The following STAT5A variants were observed in gnomAD, a reference collection of about 807,000 sequenced individuals.
STAT5A encodes signal transducer and activator of transcription 5A, also known as epididymis secretory sperm binding protein.
In STAT5A, 26 loss-of-function variants were observed where a neutral mutation model predicts 100.2. That is an observed-to-expected ratio of 0.26 (90% CI 0.19 to 0.36). STAT5A has a LOEUF of 0.36. Ranked by LOEUF, STAT5A falls within the 10% of genes least tolerant of loss-of-function variation. The pLI is 1.00. For missense variants in STAT5A, 634 were observed against 1,027.5 expected, an observed-to-expected ratio of 0.62 and a Z score of 5.24; for synonymous variants, 330 against 424.3, an observed-to-expected ratio of 0.78 and a Z score of 2.73.
chr17:42,289,382 C>G lies in STAT5A; in HGVS notation c.-10-20C>G, dbSNP rs765996129. The G allele has an allele frequency of 6.3e-7, 1 of 1,591,310 alleles. No homozygotes were observed. The highest frequency in any genetic ancestry group is 8.5e-7 in the Non-Finnish European group (1 of 1,169,810). On this transcript the variant is annotated intron_variant, in intron 1 of 18. Coordinates refer to ENST00000590949, the MANE Select transcript of STAT5A (RefSeq NM_001288718.2). Reference sequence around the variant, plus strand: ...TTGGCCTCTGCAGAGGAGAGCGCTTCAGCGCTCGGCTCGCCCTAGGTGAAC... The same window carrying G: ...TTGGCCTCTGCAGAGGAGAGCGCTTGAGCGCTCGGCTCGCCCTAGGTGAAC...
Position 42,310,677 on chromosome 17 carries a change from A to C in STAT5A, c.*8A>C. The C allele has an allele frequency of 6.2e-7, 1 of 1,613,926 alleles. No homozygotes were observed. Among genetic ancestry groups the C allele is most frequent in the Non-Finnish European group, 8.5e-7 (1 of 1,179,908 alleles). On this transcript the variant is annotated 3_prime_UTR_variant, in exon 19 of 19. Coordinates refer to ENST00000590949, the MANE Select transcript of STAT5A (RefSeq NM_001288718.2). ...AGAGGCTCCCTCTCATGAATGTTTGAATCCCACGCTTCTCTTTGGAAACAA... is the reference window on the plus strand; with the variant it reads ...AGAGGCTCCCTCTCATGAATGTTTGCATCCCACGCTTCTCTTTGGAAACAA...
chr17:42,300,089 T>C, intron 6 of STAT5A, 41 bp from the exon 7 acceptor site: 1 of 1,248,610 alleles, frequency 8.0e-7, no homozygotes, highest in Non-Finnish European at 1.1e-6. Context: ...TGCGGTGTTC[T>C]CTGGGAGCCC....
chr17:42,295,522 T>G, intron 4 of STAT5A, 97 bp from the exon 5 acceptor site: 3 of 1,321,386 alleles, frequency 2.3e-6, no homozygotes, highest in Non-Finnish European at 3.1e-6. Flanking sequence ...TAGTTTGGGG[T>G]TTGGGGTTTG....
Position 42,311,027 on chromosome 17 carries a change from G to A in STAT5A, c.*358G>A, listed in dbSNP as rs1038089562. The A allele has an allele frequency of 1.4e-5, 4 of 277,808 alleles. No homozygotes were observed. Among genetic ancestry groups the A allele is most frequent in the African/African-American group, 8.5e-5 (4 of 46,994 alleles). 17.2% of individuals were successfully genotyped at this position (277,808 alleles called of 1,614,324 possible). A position where few individuals can be genotyped will look rare whatever the true frequency, so the allele number is the denominator to read the frequency against. On this transcript the variant is annotated 3_prime_UTR_variant, in exon 19 of 19. Transcript: ENST00000590949. ...TGAATGAGATGATTCAGAAGGGGAG[G>A]GGAGACAGGTAACGTCTGTAAGCTG...
At position 42,304,092 on chromosome 17, in the gene STAT5A, A is replaced by T. The variant is rs572304032; in HGVS notation, c.1170-250A>T. ...TGGAAGTCCCCAAAGCCCTCACATC[A>T]ATCTTGGTATCGAGGAATTTCTAAT... On this transcript the variant is annotated intron_variant, in intron 9 of 18. Coordinates refer to ENST00000590949, the MANE Select transcript of STAT5A (RefSeq NM_001288718.2). This position sits in a 1 kb window ranked among gnomAD's most constrained non-coding sequence, Gnocchi z 4.8. 3.8e-6 allele frequency: 2 copies of T among 522,662 alleles called. No homozygotes were observed. The highest frequency in any genetic ancestry group is 5.0e-4 in the Middle Eastern group (1 of 1,988). 32.4% of individuals were successfully genotyped at this position (522,662 alleles called of 1,614,324 possible). A position where few individuals can be genotyped will look rare whatever the true frequency, so the allele number is the denominator to read the frequency against.
intron 11 of STAT5A, among the ~76,000 whole-genome samples, chr17:42,305,171 G>C: frequency 6.6e-6 from 1 of 152,324 alleles, no homozygotes; most frequent in East Asian, 1.9e-4. Flanking sequence ...CTGCCCTCCA[G>C]TCTGGGCGAC....
At position 42,308,687 on chromosome 17, in the gene STAT5A, A is replaced by G; in HGVS notation, c.2062+354A>G. ...AGCTGCTCTCCACACCCTGCTCACA[A>G]ACCTTCCCCCGAGTGGAGTGCAGGC... On this transcript the variant is annotated intron_variant, in intron 16 of 18. Transcript: ENST00000590949. This position sits in a 1 kb window ranked among gnomAD's most constrained non-coding sequence, Gnocchi z 4.6. 2.1e-6 allele frequency: 1 copy of G among 484,296 alleles called. No individual in the cohort carries two copies. Among genetic ancestry groups the G allele is most frequent in the South Asian group, 2.3e-5 (1 of 43,754 alleles). The allele number at this position is 484,296 out of a possible 1,614,324, so 30.0% of individuals were successfully genotyped here.
intron 4 of STAT5A, among the ~76,000 whole-genome samples, chr17:42,295,088 A>T (rs150792718): frequency 2.5e-3 from 386 of 152,248 alleles, no homozygotes; most frequent in African/African-American, 8.9e-3. Flanking sequence ...GGTCTCCAGG[A>T]TGCCTGTGAG....
chr17:42,300,729 C>T lies in STAT5A; in HGVS notation c.848C>T (p.Ala283Val). The T allele has an allele frequency of 6.2e-7, 1 of 1,613,688 alleles. No individual in the cohort carries two copies. Among genetic ancestry groups the T allele is most frequent in the Non-Finnish European group, 8.5e-7 (1 of 1,179,806 alleles). Reference sequence around the variant, plus strand: ...CTCTCGTGCAGGTGTGAGAAGTTGGCCGAGATCATCTGGCAGAACCGGCAG... The same window carrying T: ...CTCTCGTGCAGGTGTGAGAAGTTGGTCGAGATCATCTGGCAGAACCGGCAG... ...DVLQSWCEKL[A>V]EIIWQNRQQI... Residue 283 changes from alanine to valine, a missense_variant, in exon 8 of 19, where the codon GCC (alanine) becomes GTC (valine). Physicochemically the swap from Ala to Val is moderately conservative, Grantham distance 64. Transcript: ENST00000590949.
chr17:42,295,243 G>T (rs549952059), intron 4 of STAT5A, among the ~76,000 whole-genome samples: 1 of 152,240 alleles, frequency 6.6e-6, no homozygotes, highest in African/African-American at 2.4e-5. Flanking sequence ...AGAGCGAGGG[G>T]TCATCATCAT....
chr17:42,300,591 C>A (rs1048994572), intron 7 of STAT5A, 124 bp from the exon 8 acceptor site: 20 of 872,866 alleles, frequency 2.3e-5, no homozygotes, highest in Admixed American at 2.7e-5. Context: ...CTCTGCTCTT[C>A]CCATGGGTGG....
In STAT5A at chr17:42,291,994, T is replaced by C; in HGVS notation, c.308T>C (p.Leu103Pro). The C allele has an allele frequency of 6.2e-7, 1 of 1,613,944 alleles. No homozygotes were observed. Among genetic ancestry groups the C allele is most frequent in the Non-Finnish European group, 8.5e-7 (1 of 1,179,886 alleles). The change falls in exon 4 of 19, where the codon CTG becomes CCG. Residue 103 changes from leucine (L) to proline (P), a missense_variant. Transcript: ENST00000590949. ...CAGAAAACATATGACCGCTGCCCCC[T>C]GGAGCTGGTCCGCTGCATCCGGCAC... ...QLQKTYDRCP[L>P]ELVRCIRHIL...
Position 42,310,664 on chromosome 17 carries a change from T to A in STAT5A, c.2380T>A (p.Ser794Thr). Residue 794 changes from serine to threonine, a missense_variant, in exon 19 of 19, where the codon TCA becomes ACA. Physicochemically the swap from Ser to Thr is moderately conservative, Grantham distance 58. Coordinates refer to ENST00000590949, the MANE Select transcript of STAT5A (RefSeq NM_001288718.2). Reference protein sequence around the residue: ...GLFTSARGSLS With the variant: ...GLFTSARGSLT ...TTTCACCTCTGCCAGAGGCTCCCTCTCATGAATGTTTGAATCCCACGCTTC... is the reference window on the plus strand; with the variant it reads ...TTTCACCTCTGCCAGAGGCTCCCTCACATGAATGTTTGAATCCCACGCTTC... The A allele has an allele frequency of 6.2e-7, 1 of 1,614,136 alleles. No homozygotes were observed. The highest frequency in any genetic ancestry group is 8.5e-7 in the Non-Finnish European group (1 of 1,180,012).
At position 42,310,643 on chromosome 17, in the gene STAT5A, A is replaced by G; in HGVS notation, c.2359A>G (p.Thr787Ala). Reference protein sequence around the residue: ...SRLSPPAGLFTSARGSLS With the variant: ...SRLSPPAGLFASARGSLS ...CCTCTCGCCCCCTGCCGGTCTTTTC[A>G]CCTCTGCCAGAGGCTCCCTCTCATG... Residue 787 changes from threonine (T) to alanine (A), a missense_variant, in exon 19 of 19, where the codon ACC becomes GCC. By Grantham distance (58) the Thr-to-Ala change is moderately conservative. Transcript: ENST00000590949. 1.2e-6 allele frequency: 2 copies of G among 1,614,034 alleles called. No individual in the cohort carries two copies. The highest frequency in any genetic ancestry group is 2.2e-5 in the South Asian group (2 of 91,082).
chr17:42,291,570 G>C (rs1035828177), intron 3 of STAT5A, among the ~76,000 whole-genome samples: 2 of 152,118 alleles, frequency 1.3e-5, no homozygotes, highest in Non-Finnish European at 2.9e-5. Flanking sequence ...TACAAAATTA[G>C]CCGAGCGTGA....
chr17:42,298,689 T>C (rs919302185), intron 5 of STAT5A, among the ~76,000 whole-genome samples: 4 of 150,884 alleles, frequency 2.7e-5, no homozygotes, highest in African/African-American at 9.8e-5. Flanking sequence ...GCCAGGATGG[T>C]CTCTAGCCAG....
intron 18 of STAT5A, 99 bp downstream of exon 18, chr17:42,309,583 G>A (rs1463854099): frequency 3.9e-6 from 5 of 1,274,604 alleles, no homozygotes; most frequent in Non-Finnish European, 5.5e-6. Flanking sequence ...CAGAGCTCTG[G>A]TTAGGCCCAA....
chr17:42,306,099 G>T, intron 12 of STAT5A, 142 bp from the exon 13 acceptor site: 1 of 1,442,578 alleles, frequency 6.9e-7, no homozygotes, highest in South Asian at 1.3e-5. Context: ...AAAAGCCGCC[G>T]CATTTCCTGC....
At chr17:42,300,489 G>A (rs1472951173) in intron 7 of STAT5A, among the ~76,000 whole-genome samples, 3 of 152,162 alleles carry the variant, frequency 2.0e-5, no homozygotes, top group Non-Finnish European at 2.9e-5. Flanking sequence ...GGGGTGGGAT[G>A]GGGCTCGGGT....
Sources: gnomAD v4.1 joint callset for allele counts (sites outside exome capture counted in the v4.1 genomes callset) on GRCh38, gnomAD v4.1.1 for gene constraint, Gnocchi (gnomAD v3.1) non-coding constraint, MANE v1.5 for transcripts, NCBI Gene and HGNC (gene_info 2026-07-23, HGNC 2026-07-21) for gene names.